Variants in TNNI3K observed in about 807,000 individuals in gnomAD.
The protein encoded by TNNI3K is serine/threonine-protein kinase TNNI3K.
TNNI3K carries 140 observed loss-of-function variants against 114.5 expected under a neutral mutation model. The ratio of observed to expected loss-of-function variants is 1.22; its 90% confidence interval spans 1.07 to 1.41. The LOEUF (loss-of-function observed/expected upper bound fraction) is 1.41, where lower values mean the gene tolerates loss of function less well. Ranked by LOEUF, TNNI3K falls within the 40% of genes most tolerant of loss-of-function variation. TNNI3K has a pLI of 0.00. For missense variants in TNNI3K, 1,125 were observed against 1,007.6 expected (o/e 1.12, Z -1.58); for synonymous variants, 347 against 347.5 (o/e 1.00, Z 0.02).
chr1:74,271,720 CTT>C lies in TNNI3K; in HGVS notation c.444+14_444+15del, dbSNP rs773072731. The C allele has an allele frequency of 3.1e-6, 5 of 1,591,432 alleles. No homozygotes were observed. Among genetic ancestry groups the C allele is most frequent in the Non-Finnish European group, 4.3e-6 (5 of 1,167,666 alleles). On this transcript the variant is annotated intron_variant, in intron 5 of 24. Coordinates refer to ENST00000326637, the MANE Select transcript of TNNI3K (RefSeq NM_015978.3). ...CTGGCCACCTAGAGGTAAGTCATGCCTTTGGCACCTGTGAAAACAAAGGTTAT... is the reference window on the plus strand; with the variant it reads ...CTGGCCACCTAGAGGTAAGTCATGCCTGGCACCTGTGAAAACAAAGGTTAT...
intron 23 of TNNI3K, among the ~76,000 whole-genome samples, chr1:74,500,785 G>A (rs1397420351): frequency 6.6e-6 from 1 of 151,864 alleles, no homozygotes; most frequent in Non-Finnish European, 1.5e-5. Context: ...CCTTCAGGGG[G>A]AAAATGCTAT....
intron 21 of TNNI3K, among the ~76,000 whole-genome samples, chr1:74,488,100 G>C (rs1349187772): frequency 6.6e-6 from 1 of 152,218 alleles, no homozygotes. Context: ...AGTAGTGTTA[G>C]AGAGTATGAA....
intron 4 of TNNI3K, among the ~76,000 whole-genome samples, chr1:74,256,578 T>C (rs550781388): frequency 6.6e-6 from 1 of 152,168 alleles, no homozygotes; most frequent in African/African-American, 2.4e-5. Context: ...TGCCTTTTCA[T>C]TTTCATAACA....
At chr1:74,355,120 T>C (rs1431908243) in intron 11 of TNNI3K, among the ~76,000 whole-genome samples, 1 of 152,200 alleles carries the variant, frequency 6.6e-6, no homozygotes, top group Non-Finnish European at 1.5e-5. Flanking sequence ...AAATGCCAGA[T>C]TTTAAAGTCA....
At chr1:74,531,943 G>T (rs1646591728) in intron 23 of TNNI3K, among the ~76,000 whole-genome samples, 1 of 152,138 alleles carries the variant, frequency 6.6e-6, no homozygotes, top group South Asian at 2.1e-4. Flanking sequence ...AAATCCAAAT[G>T]GCTAAATCAT....
intron 5 of TNNI3K, among the ~76,000 whole-genome samples, chr1:74,284,736 T>A (rs1413990342): frequency 6.6e-6 from 1 of 152,228 alleles, no homozygotes; most frequent in East Asian, 1.9e-4. Context: ...GTTGCACATT[T>A]TTTTGTGTGA....
intron 5 of TNNI3K, among the ~76,000 whole-genome samples, chr1:74,296,708 G>A (rs1170360542): frequency 2.6e-5 from 4 of 151,974 alleles, no homozygotes; most frequent in Non-Finnish European, 2.9e-5. Context: ...ACTGAATTCC[G>A]GTTGGACAGG....
chr1:74,347,228 C>T (rs746851322), intron 9 of TNNI3K, among the ~76,000 whole-genome samples: 17 of 146,078 alleles, frequency 1.2e-4, no homozygotes, highest in Admixed American at 6.3e-4. Flanking sequence ...TCAATTCCCA[C>T]CTATGAGTGA....
chr1:74,544,133 T>G lies in TNNI3K; in HGVS notation c.*151T>G. On this transcript the variant is annotated 3_prime_UTR_variant, in exon 25 of 25. Coordinates refer to ENST00000326637, the MANE Select transcript of TNNI3K (RefSeq NM_015978.3). The stretch of plus-strand genomic sequence containing the variant: ...TTACTTGTCCTATTTAATTCCCCAC[T>G]ATTAGCAGGCTTTGGATTTGTGCCT... 1 of 710,578 alleles carries G rather than the reference T, an allele frequency of 1.4e-6. No individual in the cohort carries two copies. The highest frequency in any genetic ancestry group is 2.2e-6 in the Non-Finnish European group (1 of 455,816). 44.0% of individuals were successfully genotyped at this position (710,578 alleles called of 1,614,324 possible). A position where few individuals can be genotyped will look rare whatever the true frequency, so the allele number is the denominator to read the frequency against.
intron 21 of TNNI3K, among the ~76,000 whole-genome samples, chr1:74,473,569 G>T (rs367599141): frequency 9.2e-5 from 14 of 151,486 alleles, no homozygotes; most frequent in Non-Finnish European, 7.4e-5. Flanking sequence ...TAGGTGTTAG[G>T]CCTCAAAATT....
chr1:74,406,553 C>T (rs973326668), intron 17 of TNNI3K, among the ~76,000 whole-genome samples: 7 of 152,180 alleles, frequency 4.6e-5, no homozygotes, highest in African/African-American at 1.7e-4. Context: ...CTTCTGCCTT[C>T]AGCTCCAGAA....
At chr1:74,432,562 T>A (rs17544747) in intron 17 of TNNI3K, among the ~76,000 whole-genome samples, 6,500 of 152,186 alleles carry the variant, frequency 0.043, 204 homozygotes, top group Non-Finnish European at 0.058. Flanking sequence ...TTCCTTAACC[T>A]ACATTTCTTT....
chr1:74,406,101 C>G (rs764525075), intron 17 of TNNI3K, among the ~76,000 whole-genome samples: 1 of 152,144 alleles, frequency 6.6e-6, no homozygotes, highest in Non-Finnish European at 1.5e-5. Context: ...CTGGAAAGAA[C>G]CCACTTCTGA....
intron 17 of TNNI3K, among the ~76,000 whole-genome samples, chr1:74,388,396 C>G (rs905810511): frequency 2.5e-4 from 38 of 152,110 alleles, no homozygotes; most frequent in African/African-American, 8.7e-4. Context: ...TAGCAAGAAA[C>G]AGTGGAAAAG....
At chr1:74,490,989 T>A (rs1358330453) in intron 22 of TNNI3K, among the ~76,000 whole-genome samples, 1 of 152,208 alleles carries the variant, frequency 6.6e-6, no homozygotes, top group East Asian at 1.9e-4. Context: ...ATAAAGTGAC[T>A]GTCTTGCTGC....
intron 17 of TNNI3K, chr1:74,373,666 A>G (rs1475887275): frequency 6.6e-6 from 1 of 151,942 alleles, no homozygotes; most frequent in African/African-American, 2.4e-5. Flanking sequence ...CCTAATTGGT[A>G]TAAGTATGAC....
intron 17 of TNNI3K, among the ~76,000 whole-genome samples, chr1:74,388,304 G>C (rs1663593536): frequency 6.6e-6 from 1 of 151,922 alleles, no homozygotes; most frequent in African/African-American, 2.4e-5. Context: ...ATTTTTTTCT[G>C]TCTTCCCACT....
At chr1:74,308,483 CA>C (rs945803829) in intron 5 of TNNI3K, among the ~76,000 whole-genome samples, 3 of 152,124 alleles carry the variant, frequency 2.0e-5, no homozygotes, top group Non-Finnish European at 4.4e-5. Context: ...CACACCATAT[CA>C]AAACCTCTGG....
intron 17 of TNNI3K, among the ~76,000 whole-genome samples, chr1:74,393,437 G>T (rs1307578843): frequency 1.3e-5 from 2 of 152,132 alleles, no homozygotes; most frequent in Admixed American, 6.5e-5. Context: ...ACTTTATGGG[G>T]TGGAGAAAGG....
Sources: allele counts gnomAD v4.1 joint callset (sites outside exome capture counted in the v4.1 genomes callset), GRCh38; gene constraint gnomAD v4.1.1; transcripts MANE v1.5; gene names NCBI Gene and HGNC (gene_info 2026-07-23, HGNC 2026-07-21).